The following SHANK1 variants were observed in gnomAD, a reference collection of about 807,000 sequenced individuals.
The protein encoded by SHANK1 is SH3 and multiple ankyrin repeat domains protein 1.
Under a neutral mutation model 165.6 loss-of-function variants are expected in SHANK1, and 35 were observed. The observed-to-expected ratio is 0.21, with a 90% CI of 0.16 to 0.28. The LOEUF is 0.28. Ranked by LOEUF, SHANK1 falls within the 10% of genes least tolerant of loss-of-function variation. The pLI is 1.00. For missense variants in SHANK1, 2,681 were observed against 3,036.4 expected, an observed-to-expected ratio of 0.88 and a Z score of 2.75; for synonymous variants, 1,428 against 1,384.8, an observed-to-expected ratio of 1.03 and a Z score of -0.69.
At chr19:50,687,108 G>C in intron 19 of SHANK1, 1 of 1,144,322 alleles carries the variant, frequency 8.7e-7, no homozygotes, top group Non-Finnish European at 1.2e-6. Flanking sequence ...GGGGCCCCCT[G>C]TCTGGAAGCC....
chr19:50,664,122 CTTTTT>C (rs34384254), intron 23 of SHANK1, among the ~76,000 whole-genome samples: 2 of 136,640 alleles, frequency 1.5e-5, no homozygotes, highest in Admixed American at 7.2e-5. Context: ...TCTTTTCTTT[CTTTTT>C]TTTTTTTTTT....
At chr19:50,671,180 C>CTTTTTTTTTTTTTT (rs35076465) in intron 22 of SHANK1, among the ~76,000 whole-genome samples, 1 of 76,724 alleles carries the variant, frequency 1.3e-5, no homozygotes, top group Non-Finnish European at 2.3e-5. Context: ...TTTTTTCACT[C>CTTTTTTTTTTTTTT]TTTTTTTTTT....
rs1481902530 is a variant in SHANK1 at position 50,702,797 on chromosome 19, G to A, written c.1554-137C>T. The stretch of plus-strand genomic sequence containing the variant: ...GTTTCCCAGCACTGGCGTCCTCCAA[G>A]GAAGAGGGCATTTGGGGGCTCCCTC... On this transcript the variant is annotated intron_variant, in intron 11 of 23. Coordinates refer to ENST00000293441, the MANE Select transcript of SHANK1 (RefSeq NM_016148.5). This position sits in a 1 kb window ranked among gnomAD's most constrained non-coding sequence, Gnocchi z 5.3. 1.4e-5 allele frequency: 9 copies of A among 621,580 alleles called. No individual in the cohort carries two copies. Among genetic ancestry groups the A allele is most frequent in the Non-Finnish European group, 2.2e-5 (8 of 358,448 alleles). 38.5% of individuals were successfully genotyped at this position (621,580 alleles called of 1,614,324 possible). A position where few individuals can be genotyped will look rare whatever the true frequency, so the allele number is the denominator to read the frequency against.
At position 50,662,516 on chromosome 19, in the gene SHANK1, A is replaced by G; in HGVS notation, c.5935T>C (p.Ser1979Pro). ...TSPSASSSST[S>P]TRHLQGVEFE... The stretch of plus-strand genomic sequence containing the variant: ...TCCACGCCCTGGAGGTGGCGGGTGG[A>G]CGTGGAGGAGGAGGAGGCTGAGGGT... The change falls in exon 24 of 24, where the codon TCC becomes CCC. Residue 1979 changes from serine to proline, a missense_variant. By Grantham distance (74) the Ser-to-Pro change is moderately conservative (BLOSUM62 -1). This residue lies in a region of SHANK1 where 1,713 missense variants were observed against 1,630.2 expected (regional missense o/e 1.05). Transcript: ENST00000293441. The surrounding 1 kb of genome is among the most constrained non-coding windows in gnomAD (Gnocchi z 7.7). The G allele has an allele frequency of 6.4e-7, 1 of 1,558,500 alleles. No homozygotes were observed. The highest frequency in any genetic ancestry group is 8.7e-7 in the Non-Finnish European group (1 of 1,151,214).
rs935191174 is a variant in SHANK1 at position 50,719,731 on chromosome 19, G to C, written c.-369C>G. ...CCTGCTCTTCCTCCTCCTCTTCCTC[G>C]GGCCGCCGCCGCCGCCGCCCGCTCC... is the stretch of plus-strand genomic sequence containing the variant. On this transcript the variant is annotated 5_prime_UTR_variant, in exon 1 of 24. Coordinates refer to ENST00000293441, the MANE Select transcript of SHANK1 (RefSeq NM_016148.5). Among the ~76,000 whole-genome samples the C allele has an allele frequency of 4.1e-4, 60 of 147,700 alleles. No individual in the cohort carries two copies. Among genetic ancestry groups the C allele is most frequent in the African/African-American group, 1.4e-3 (56 of 40,126 alleles).
intron 22 of SHANK1, among the ~76,000 whole-genome samples, chr19:50,671,301 A>G (rs1434203791): frequency 1.4e-5 from 2 of 143,224 alleles, no homozygotes; most frequent in African/African-American, 5.3e-5. Flanking sequence ...CTCCTGCCTC[A>G]GCCTCCTGAG....
In SHANK1 at chr19:50,687,975, C is replaced by T. The variant is rs376619822; in HGVS notation, c.2256G>A (p.Lys752=). Residue 752 remains lysine, a synonymous_variant, in exon 18 of 24, where the codon AAG becomes AAA. Transcript: ENST00000293441. The part of the protein sequence containing the change: ...IRQGGNTLMV[K]VVMVTRHPDM... ...CCGGGTGCCTGGTGACCATCACCACCTTCACCATCAGCGTGTTGCCCCCTT... is the reference window on the plus strand; with the variant it reads ...CCGGGTGCCTGGTGACCATCACCACTTTCACCATCAGCGTGTTGCCCCCTT... 145 of 1,614,022 alleles carry T rather than the reference C, an allele frequency of 9.0e-5. No homozygotes were observed. Among genetic ancestry groups the T allele is most frequent in the Non-Finnish European group, 1.0e-4 (118 of 1,179,990 alleles).
At chr19:50,699,038 C>T (rs1262994817) in intron 12 of SHANK1, among the ~76,000 whole-genome samples, 2 of 152,242 alleles carry the variant, frequency 1.3e-5, no homozygotes, top group Non-Finnish European at 1.5e-5. Flanking sequence ...CTGGAGATGG[C>T]TCCAGCTATG....
rs370085192 is a variant in SHANK1 at position 50,697,033 on chromosome 19, G to A, written c.1964+63C>T. 3 of 1,302,716 alleles carry A rather than the reference G, an allele frequency of 2.3e-6. No individual in the cohort carries two copies. The highest frequency in any genetic ancestry group is 2.3e-5 in the East Asian group (1 of 43,520). The allele number at this position is 1,302,716 out of a possible 1,614,324, so 80.7% of individuals were successfully genotyped here. ...TCTGGTCGTGCACACACGTTCACACGCCCCCCAGGCACCCCGTCCTTCCCC... is the reference window on the plus strand; with the variant it reads ...TCTGGTCGTGCACACACGTTCACACACCCCCCAGGCACCCCGTCCTTCCCC... On this transcript the variant is annotated intron_variant, in intron 15 of 23. Coordinates refer to ENST00000293441, the MANE Select transcript of SHANK1 (RefSeq NM_016148.5). The surrounding 1 kb of genome is among the most constrained non-coding windows in gnomAD (Gnocchi z 4.7).
At chr19:50,693,109 A>C in intron 15 of SHANK1, among the ~76,000 whole-genome samples, 2 of 147,570 alleles carry the variant, frequency 1.4e-5, no homozygotes, top group East Asian at 2.0e-4. Flanking sequence ...TGCCCCCTCG[A>C]CTCACTTCAC....
intron 22 of SHANK1, 56 bp from the exon 23 acceptor site, chr19:50,669,341 T>A: frequency 8.4e-7 from 1 of 1,190,592 alleles, no homozygotes. Flanking sequence ...GTCTCCCTGC[T>A]CCACTATCCC....
chr19:50,694,861 T>C (rs1260768107), intron 15 of SHANK1, among the ~76,000 whole-genome samples: 1 of 148,320 alleles, frequency 6.7e-6, no homozygotes, highest in Non-Finnish European at 1.5e-5. Context: ...GGCCGGGGCC[T>C]GCCGGCCGGC....
intron 1 of SHANK1, among the ~76,000 whole-genome samples, chr19:50,719,040 A>AGG (rs1226668508): frequency 8.0e-5 from 9 of 112,418 alleles, no homozygotes. Context: ...GACCTGGCGG[A>AGG]GGGGCCCAGG....
Position 50,661,893 on chromosome 19 carries a change from C to A in SHANK1, c.*72G>T. 6.6e-7 allele frequency: 1 copy of A among 1,525,858 alleles called. No homozygotes were observed. Among genetic ancestry groups the A allele is most frequent in the Non-Finnish European group, 9.0e-7 (1 of 1,106,884 alleles). 94.5% of individuals were successfully genotyped at this position (1,525,858 alleles called of 1,614,324 possible). A position where few individuals can be genotyped will look rare whatever the true frequency, so the allele number is the denominator to read the frequency against. On this transcript the variant is annotated 3_prime_UTR_variant, in exon 24 of 24. Transcript: ENST00000293441. Reference sequence around the variant, plus strand: ...CCTGGCCCGGGGAGAGAATGACAGTCAGGGGTCAGAGGTCAAGAGGCCAGC... The same window carrying A: ...CCTGGCCCGGGGAGAGAATGACAGTAAGGGGTCAGAGGTCAAGAGGCCAGC...
chr19:50,684,564 G>C lies in SHANK1; in HGVS notation c.2577+1673C>G, dbSNP rs181145540. Among the ~76,000 whole-genome samples, 570 of 152,228 alleles carry C rather than the reference G, an allele frequency of 3.7e-3. 3 individuals are homozygous for C. Among genetic ancestry groups the C allele is most frequent in the Admixed American group, 6.9e-3 (106 of 15,300 alleles). ...TTTTATAAAAGTACGAGCCCCTCCA[G>C]AGCATGAGGGATTGTGGATAGACTT... On this transcript the variant is annotated intron_variant, in intron 21 of 23. Coordinates refer to ENST00000293441, the MANE Select transcript of SHANK1 (RefSeq NM_016148.5).
chr19:50,663,924 TTCTC>T lies in SHANK1; in HGVS notation c.5769-1246_5769-1243del, dbSNP rs59638184. On this transcript the variant is annotated intron_variant, in intron 23 of 23. Coordinates refer to ENST00000293441, the MANE Select transcript of SHANK1 (RefSeq NM_016148.5). Reference sequence around the variant, plus strand: ...AATATACACTTCCTTTTTCTTTTCTTTCTCTCTCTCTCTCTCTTTTTTTTTTTTT... The same window carrying T: ...AATATACACTTCCTTTTTCTTTTCTTTCTCTCTCTCTCTTTTTTTTTTTTT... Among the ~76,000 whole-genome samples, 94 of 113,616 alleles carry T rather than the reference TTCTC, an allele frequency of 8.3e-4. No individual in the cohort carries two copies. In the South Asian group the frequency reaches 9.4e-3, roughly 11 times the overall value. 74.5% of individuals were successfully genotyped at this position (113,616 alleles called of 152,430 possible).
At position 50,662,747 on chromosome 19, in the gene SHANK1, A is replaced by C; in HGVS notation, c.5769-65T>G. On this transcript the variant is annotated intron_variant, in intron 23 of 23. Transcript: ENST00000293441. This position sits in a 1 kb window ranked among gnomAD's most constrained non-coding sequence, Gnocchi z 7.7. ...TTAGGGGGCAAGGGCAGGGGTGAGA[A>C]AGAGGCAGAGGTCAAGATATAGGGA... The C allele has an allele frequency of 6.5e-7, 1 of 1,532,066 alleles. No individual in the cohort carries two copies. Among genetic ancestry groups the C allele is most frequent in the Admixed American group, 2.0e-5 (1 of 50,734 alleles). 94.9% of individuals were successfully genotyped at this position (1,532,066 alleles called of 1,614,324 possible).
Position 50,703,535 on chromosome 19 carries a change from A to C in SHANK1, c.1518T>G (p.Pro506=). The change falls in exon 11 of 24, where the codon CCT becomes CCG. Residue 506 remains proline, a synonymous_variant. Coordinates refer to ENST00000293441, the MANE Select transcript of SHANK1 (RefSeq NM_016148.5). The part of the protein sequence containing the change: ...RARSPSRGRH[P]EDAKRQPRGR... ...CTCGGGGCTGCCTCTTGGCGTCCTC[A>C]GGGTGCCTCCCTCGGGATGGAGAGC... 6.5e-7 allele frequency: 1 copy of C among 1,549,192 alleles called. No homozygotes were observed. Among genetic ancestry groups the C allele is most frequent in the Non-Finnish European group, 8.7e-7 (1 of 1,153,130 alleles).
chr19:50,683,339 G>A (rs1986233569), intron 21 of SHANK1, among the ~76,000 whole-genome samples: 1 of 152,174 alleles, frequency 6.6e-6, no homozygotes, highest in Non-Finnish European at 1.5e-5. Flanking sequence ...GCTATATGCA[G>A]TAGTTGTGTT....
Sources: allele counts gnomAD v4.1 joint callset (sites outside exome capture counted in the v4.1 genomes callset), GRCh38; gene constraint gnomAD v4.1.1; regional missense constraint gnomAD v4.1.1; non-coding constraint Gnocchi (gnomAD v3.1); transcripts MANE v1.5; gene names NCBI Gene and HGNC (gene_info 2026-07-23, HGNC 2026-07-21).